The following MEIS2 variants were observed in gnomAD, a reference collection of about 807,000 sequenced individuals.
MEIS2 encodes the protein Meis homeobox 2.
A neutral mutation model predicts 58.6 loss-of-function variants in MEIS2; 9 were observed. That is an observed-to-expected ratio of 0.15 (90% CI 0.09 to 0.27). MEIS2 has a LOEUF of 0.27. Ranked by LOEUF, MEIS2 falls within the 10% of genes least tolerant of loss-of-function variation. The probability of loss-of-function intolerance (pLI) is 1.00; values close to 1 mark genes in which losing one functional copy is unlikely to be tolerated. For synonymous variants in MEIS2, 221 were observed against 228.4 expected, an observed-to-expected ratio of 0.97 and a Z score of 0.29; for missense variants, 427 against 635.0, an observed-to-expected ratio of 0.67 and a Z score of 3.52.
At chr15:36,985,753 C>T (rs962471562) in intron 8 of MEIS2, among the ~76,000 whole-genome samples, 3 of 152,076 alleles carry the variant, frequency 2.0e-5, no homozygotes, top group Admixed American at 6.6e-5. Context: ...GTTGAAGTGT[C>T]GGGAAAATGA....
intron 7 of MEIS2, among the ~76,000 whole-genome samples, chr15:37,044,059 C>G (rs182665181): frequency 6.6e-6 from 1 of 152,164 alleles, no homozygotes; most frequent in Non-Finnish European, 1.5e-5. Context: ...TGGGCACTTG[C>G]GATGTTCCAA....
At chr15:37,007,057 T>C (rs569595432) in intron 8 of MEIS2, among the ~76,000 whole-genome samples, 2 of 152,316 alleles carry the variant, frequency 1.3e-5, no homozygotes, top group African/African-American at 4.8e-5. Flanking sequence ...ACATGTGAAA[T>C]GAGAATAATA....
intron 7 of MEIS2, among the ~76,000 whole-genome samples, chr15:37,045,678 C>A (rs1327335118): frequency 6.6e-6 from 1 of 152,116 alleles, no homozygotes; most frequent in South Asian, 2.1e-4. Context: ...AGCAGTGAGA[C>A]CTGCTAATTA....
chr15:36,891,612 T>C lies in MEIS2; in HGVS notation c.*561A>G, dbSNP rs1322147842. On this transcript the variant is annotated 3_prime_UTR_variant, in exon 12 of 12. Transcript: ENST00000561208. Reference sequence around the variant, plus strand: ...TGTTTGAAACTAAAGGACACATTTATGGAGGAACAAAGGCCGGGCATGAAA... The same window carrying C: ...TGTTTGAAACTAAAGGACACATTTACGGAGGAACAAAGGCCGGGCATGAAA... 6.4e-6 allele frequency: 1 copy of C among 155,388 alleles called. No homozygotes were observed. The highest frequency in any genetic ancestry group is 1.9e-4 in the East Asian group (1 of 5,216). The allele number at this position is 155,388 out of a possible 1,614,324, so 9.6% of individuals were successfully genotyped here. A position where few individuals can be genotyped will look rare whatever the true frequency, so the allele number is the denominator to read the frequency against.
intron 8 of MEIS2, among the ~76,000 whole-genome samples, chr15:37,003,196 T>C (rs984335835): frequency 6.6e-6 from 1 of 152,176 alleles, no homozygotes; most frequent in Admixed American, 6.5e-5. Context: ...TAAATGGACC[T>C]GCACATTCTG....
chr15:37,073,461 T>C (rs1337910370), intron 7 of MEIS2, among the ~76,000 whole-genome samples: 1 of 151,980 alleles, frequency 6.6e-6, no homozygotes, highest in Non-Finnish European at 1.5e-5. Flanking sequence ...ACCCTTGTGA[T>C]TTCCATATTT....
At chr15:36,941,938 T>C (rs552068516) in intron 9 of MEIS2, among the ~76,000 whole-genome samples, 2 of 152,306 alleles carry the variant, frequency 1.3e-5, no homozygotes, top group East Asian at 3.9e-4. Flanking sequence ...GTTGGTTGCT[T>C]ATCTAAAGGC....
At chr15:37,026,480 A>T (rs1233004376) in intron 8 of MEIS2, among the ~76,000 whole-genome samples, 1 of 152,242 alleles carries the variant, frequency 6.6e-6, no homozygotes, top group African/African-American at 2.4e-5. Flanking sequence ...ATGATGCAAG[A>T]AGTCAAATAA....
At chr15:37,052,994 G>A (rs1230541130) in intron 7 of MEIS2, among the ~76,000 whole-genome samples, 1 of 152,118 alleles carries the variant, frequency 6.6e-6, no homozygotes, top group African/African-American at 2.4e-5. Flanking sequence ...AAGACAACTC[G>A]AAGGGCACCA....
At chr15:36,974,113 G>A (rs74392999) in intron 8 of MEIS2, among the ~76,000 whole-genome samples, 12,906 of 152,190 alleles carry the variant, frequency 0.085, 649 homozygotes, top group East Asian at 0.13. Context: ...TTCAGGTACA[G>A]ATAAATTCTT....
intron 7 of MEIS2, among the ~76,000 whole-genome samples, chr15:37,040,209 A>G (rs2062364186): frequency 6.6e-6 from 1 of 152,188 alleles, no homozygotes; most frequent in African/African-American, 2.4e-5. Flanking sequence ...GTAAGGAGAT[A>G]GCATCTGAAG....
At chr15:37,061,592 C>T (rs1201531376) in intron 7 of MEIS2, among the ~76,000 whole-genome samples, 3 of 152,156 alleles carry the variant, frequency 2.0e-5, no homozygotes, top group African/African-American at 7.2e-5. Context: ...GCCATGTCTA[C>T]CTTGTTAAGT....
At chr15:37,093,847 G>C in intron 5 of MEIS2, 117 bp from the exon 6 acceptor site, 1 of 1,319,024 alleles carries the variant, frequency 7.6e-7, no homozygotes. Context: ...GAGCAACAGT[G>C]TGATGTCTTC....
intron 8 of MEIS2, among the ~76,000 whole-genome samples, chr15:37,031,123 G>A (rs2061903751): frequency 6.6e-6 from 1 of 152,180 alleles, no homozygotes; most frequent in Admixed American, 6.5e-5. Flanking sequence ...ACAGGGCTGA[G>A]TACTTTACAT....
At chr15:37,010,330 G>A (rs1006147817) in intron 8 of MEIS2, among the ~76,000 whole-genome samples, 3 of 151,802 alleles carry the variant, frequency 2.0e-5, no homozygotes, top group East Asian at 1.9e-4. Context: ...CTCATGATCC[G>A]CCCATCTTGG....
At chr15:36,915,710 G>A (rs945085882) in intron 9 of MEIS2, among the ~76,000 whole-genome samples, 3 of 152,230 alleles carry the variant, frequency 2.0e-5, no homozygotes, top group Admixed American at 6.5e-5. Context: ...GTGGTATCAC[G>A]GATTCATTTA....
intron 9 of MEIS2, among the ~76,000 whole-genome samples, chr15:36,940,965 A>G (rs2058353015): frequency 6.6e-6 from 1 of 152,220 alleles, no homozygotes; most frequent in Admixed American, 6.5e-5. Flanking sequence ...TTATGAAAAA[A>G]GAATCACAAG....
At chr15:37,027,206 C>A (rs1320568691) in intron 8 of MEIS2, among the ~76,000 whole-genome samples, 2 of 152,148 alleles carry the variant, frequency 1.3e-5, no homozygotes. Flanking sequence ...ATAATCTGTT[C>A]CAAATTGCAA....
In MEIS2 at chr15:37,097,951, C is replaced by T; in HGVS notation, c.245+16G>A. The T allele has an allele frequency of 1.3e-6, 2 of 1,573,382 alleles. No individual in the cohort carries two copies. Among genetic ancestry groups the T allele is most frequent in the South Asian group, 2.4e-5 (2 of 84,440 alleles). On this transcript the variant is annotated intron_variant, in intron 2 of 11. Transcript: ENST00000561208. ...ACACTCACACACAGTAAGCTGGGTC[C>T]GGGGGGTCAGTTTACCCATAGATCG...
Sources: allele counts gnomAD v4.1 joint callset (sites outside exome capture counted in the v4.1 genomes callset), GRCh38; gene constraint gnomAD v4.1.1; transcripts MANE v1.5; gene names NCBI Gene and HGNC (gene_info 2026-07-23, HGNC 2026-07-21).